The following TG variants were observed in gnomAD, a reference collection of about 807,000 sequenced individuals.
TG encodes thyroid hormones.
Under a neutral mutation model 324.7 loss-of-function variants are expected in TG, and 270 were observed. The ratio of observed to expected loss-of-function variants is 0.83; its 90% confidence interval spans 0.75 to 0.92. The LOEUF is 0.92. TG is among the 40% of genes least tolerant of loss of function. TG has a pLI of 0.00. For synonymous variants in TG, 1,401 were observed against 1,327.0 expected, an observed-to-expected ratio of 1.06 and a Z score of -1.21; for missense variants, 3,591 against 3,456.4, an observed-to-expected ratio of 1.04 and a Z score of -0.98.
At chr8:133,061,917 C>G (rs995813874) in intron 41 of TG, among the ~76,000 whole-genome samples, 1 of 152,184 alleles carries the variant, frequency 6.6e-6, no homozygotes, top group Non-Finnish European at 1.5e-5. Context: ...TATTAAGAAA[C>G]AAGGAACACC....
At chr8:132,893,978 A>G (rs781642913) in intron 11 of TG, 49 bp downstream of exon 11, 9 of 1,613,692 alleles carry the variant, frequency 5.6e-6, no homozygotes, top group South Asian at 1.1e-5. Flanking sequence ...TTGGAAAAGC[A>G]GGAGCTTAAA....
intron 40 of TG, among the ~76,000 whole-genome samples, chr8:133,025,174 G>A (rs1211166302): frequency 6.6e-6 from 1 of 152,228 alleles, no homozygotes; most frequent in African/African-American, 2.4e-5. Context: ...GATAAGGAAA[G>A]GGCAGAGCAG....
intron 35 of TG, chr8:132,995,348 T>C (rs1832771352): frequency 1.0e-6 from 1 of 985,118 alleles, no homozygotes; most frequent in South Asian, 4.7e-5. Context: ...CTCCTGCTCC[T>C]GCAGAGATCA....
intron 16 of TG, among the ~76,000 whole-genome samples, chr8:132,904,213 G>T (rs1282616351): frequency 6.6e-6 from 1 of 152,214 alleles, no homozygotes; most frequent in Non-Finnish European, 1.5e-5. Flanking sequence ...ACGCCTGGGA[G>T]GCCTTTGGGC....
chr8:133,062,520 C>T (rs1213451372), intron 41 of TG, among the ~76,000 whole-genome samples: 1 of 152,280 alleles, frequency 6.6e-6, no homozygotes, highest in African/African-American at 2.4e-5. Context: ...CAGGATCCCA[C>T]CCACGTAGTG....
intron 8 of TG, among the ~76,000 whole-genome samples, chr8:132,883,619 CA>C (rs551826404): frequency 7.0e-4 from 107 of 152,200 alleles, no homozygotes; most frequent in Admixed American, 1.4e-3. Flanking sequence ...GTTATCCTAA[CA>C]AAGGCTTGGG....
chr8:132,896,875 G>C (rs994598495), intron 11 of TG, among the ~76,000 whole-genome samples: 22 of 152,152 alleles, frequency 1.4e-4, no homozygotes, highest in African/African-American at 5.3e-4. Context: ...TTGGTGGTGG[G>C]GAAAGCCATG....
intron 35 of TG, among the ~76,000 whole-genome samples, chr8:133,008,858 C>T (rs1834248992): frequency 6.6e-6 from 1 of 152,232 alleles, no homozygotes; most frequent in Non-Finnish European, 1.5e-5. Flanking sequence ...ATAGTAAACT[C>T]TCACAAAATG....
At chr8:132,900,962 C>T (rs1240260506) in intron 15 of TG, among the ~76,000 whole-genome samples, 4 of 152,204 alleles carry the variant, frequency 2.6e-5, no homozygotes, top group Admixed American at 1.3e-4. Flanking sequence ...CCGTCTATCC[C>T]CTCCCCACCT....
At chr8:133,029,183 A>G (rs1315563003) in intron 40 of TG, among the ~76,000 whole-genome samples, 2 of 152,134 alleles carry the variant, frequency 1.3e-5, no homozygotes, top group Non-Finnish European at 2.9e-5. Context: ...AAACCTAAGG[A>G]GAAGAGCATA....
At chr8:132,999,980 G>T (rs1320356897) in intron 35 of TG, among the ~76,000 whole-genome samples, 4 of 152,154 alleles carry the variant, frequency 2.6e-5, no homozygotes, top group Non-Finnish European at 5.9e-5. Flanking sequence ...AGATGAGGGG[G>T]TAGCAACTGT....
Position 132,893,864 on chromosome 8 carries a change from G to A in TG, c.2936G>A (p.Arg979Gln), listed in dbSNP as rs143609789. ...DLGLPPLFPP[R>Q]EAFAEQFLRG... ...GGCCTTCCTCCGCTCTTCCCGCCCCGGGAGGCTTTCGCGGAGCAGTTTCTG... is the reference window on the plus strand; with the variant it reads ...GGCCTTCCTCCGCTCTTCCCGCCCCAGGAGGCTTTCGCGGAGCAGTTTCTG... Residue 979 changes from arginine to glutamine, a missense_variant, in exon 11 of 48, where the codon CGG becomes CAG. Coordinates refer to ENST00000220616, the MANE Select transcript of TG (RefSeq NM_003235.5). 1.7e-5 allele frequency: 28 copies of A among 1,613,914 alleles called. No homozygotes were observed. The African/African-American group carries it at 3.2e-4, about 18-fold the overall frequency.
At chr8:133,054,558 A>T (rs1440269304) in intron 41 of TG, among the ~76,000 whole-genome samples, 2 of 152,236 alleles carry the variant, frequency 1.3e-5, no homozygotes, top group Non-Finnish European at 2.9e-5. Context: ...TAGTAAGTGG[A>T]AGCTAATATT....
chr8:133,060,015 G>A (rs1842133443), intron 41 of TG: 2 of 1,403,176 alleles, frequency 1.4e-6, no homozygotes, highest in Non-Finnish European at 1.9e-6. Context: ...CATTTAAGTA[G>A]TTACCGGCAT....
intron 15 of TG, among the ~76,000 whole-genome samples, chr8:132,900,653 C>T (rs1001807102): frequency 2.9e-4 from 44 of 152,328 alleles, no homozygotes; most frequent in African/African-American, 2.2e-4. Context: ...GTGGCCCTGC[C>T]GTCTGGTTTC....
chr8:132,954,134 T>C (rs1826509037), intron 27 of TG, among the ~76,000 whole-genome samples: 2 of 152,130 alleles, frequency 1.3e-5, no homozygotes, highest in Non-Finnish European at 2.9e-5. Context: ...GTGATTGTCA[T>C]TATCTTGGGG....
Position 133,117,873 on chromosome 8 carries a change from C to T in TG, c.7862+1157C>T, listed in dbSNP as rs115804465. ...TGGGGGTCCAGCCACACCATATACC[C>T]GCTGTGCCATCATAGGTAGTTTTCT... On this transcript the variant is annotated intron_variant, in intron 45 of 47. Coordinates refer to ENST00000220616, the MANE Select transcript of TG (RefSeq NM_003235.5). Among the ~76,000 whole-genome samples the T allele has an allele frequency of 6.4e-3, 977 of 152,254 alleles. 7 individuals are homozygous for T. Among genetic ancestry groups the T allele is most frequent in the African/African-American group, 0.02 (815 of 41,536 alleles).
chr8:132,945,451 A>G (rs1206535921), intron 26 of TG, among the ~76,000 whole-genome samples: 2 of 152,148 alleles, frequency 1.3e-5, no homozygotes, highest in Non-Finnish European at 2.9e-5. Flanking sequence ...AGATTTAGGA[A>G]GGCCGTGGGT....
At chr8:133,063,774 T>C (rs1842722282) in intron 41 of TG, 1 of 152,212 alleles carries the variant, frequency 6.6e-6, no homozygotes, top group Non-Finnish European at 1.5e-5. Context: ...AGCCCTTTAG[T>C]GGTCTGCTCA....
Sources: gnomAD v4.1 joint callset for allele counts (sites outside exome capture counted in the v4.1 genomes callset) on GRCh38, gnomAD v4.1.1 for gene constraint, MANE v1.5 for transcripts, NCBI Gene and HGNC (gene_info 2026-07-23, HGNC 2026-07-21) for gene names.